UGT1A7: variants seen among roughly 807,000 people sequenced by gnomAD.
UGT1A7 encodes the protein UDP-glucuronosyltransferase 1A7.
UGT1A7 carries 33 observed loss-of-function variants against 45.6 expected under a neutral mutation model. The ratio of observed to expected loss-of-function variants is 0.72; its 90% confidence interval spans 0.55 to 0.97. The LOEUF is 0.97. Among genes scored for constraint, UGT1A7 ranks in the 50% least tolerant of loss-of-function variants. The pLI, the probability that UGT1A7 is intolerant of heterozygous loss-of-function variation, is 0.00. For missense variants in UGT1A7, 684 were observed against 666.2 expected, an observed-to-expected ratio of 1.03 and a Z score of -0.29; for synonymous variants, 274 against 250.6, an observed-to-expected ratio of 1.09 and a Z score of -0.88.
Position 233,687,583 on chromosome 2 carries a change from TAAAAAA to T in UGT1A7, c.855+4810_855+4815del, listed in dbSNP as rs71398794. 5.3e-3 allele frequency among the ~76,000 whole-genome samples: 569 copies of T among 107,448 alleles called. 7 individuals are homozygous for T. The highest frequency in any genetic ancestry group is 0.018 in the African/African-American group (528 of 29,724). The allele number at this position is 107,448 out of a possible 152,430, so 70.5% of individuals were successfully genotyped here. A position where few individuals can be genotyped will look rare whatever the true frequency, so the allele number is the denominator to read the frequency against. The stretch of plus-strand genomic sequence containing the variant: ...AGAATTCAAGACCATACATTCTTTG[TAAAAAA>T]AAAAAAAAAAAAAAAAAAGGAAAGA... On this transcript the variant is annotated intron_variant, in intron 1 of 4. Transcript: ENST00000373426.
intron 4 of UGT1A7, 29 bp downstream of exon 4, chr2:233,768,468 T>C: frequency 6.2e-7 from 1 of 1,604,616 alleles, no homozygotes; most frequent in Non-Finnish European, 8.5e-7. Context: ...AAGAATACTT[T>C]GGTCATGGCA....
chr2:233,705,451 A>AT (rs1396968859), intron 1 of UGT1A7, among the ~76,000 whole-genome samples: 2 of 152,158 alleles, frequency 1.3e-5, no homozygotes, highest in Non-Finnish European at 2.9e-5. Flanking sequence ...AATTGCACAT[A>AT]TTTTTTAGCA....
intron 1 of UGT1A7, chr2:233,755,263 C>T: frequency 1.2e-6 from 1 of 800,084 alleles, no homozygotes; most frequent in South Asian, 1.5e-5. Context: ...TCGTAGTAGT[C>T]CACTATGCTG....
intron 1 of UGT1A7, chr2:233,760,621 A>G: frequency 1.9e-6 from 3 of 1,614,194 alleles, no homozygotes; most frequent in Non-Finnish European, 2.5e-6. Context: ...TGTGATCAAA[A>G]CATACAAGAA....
intron 1 of UGT1A7, chr2:233,747,090 C>A: frequency 8.0e-7 from 1 of 1,247,360 alleles, no homozygotes; most frequent in East Asian, 2.6e-5. Context: ...GAGGAGAGCA[C>A]TCTATCTTCC....
chr2:233,689,577 A>C (rs1345310099), intron 1 of UGT1A7, among the ~76,000 whole-genome samples: 5 of 152,206 alleles, frequency 3.3e-5, no homozygotes, highest in African/African-American at 4.8e-5. Flanking sequence ...TCTGATTTGC[A>C]ATTAGCTAAG....
intron 1 of UGT1A7, among the ~76,000 whole-genome samples, chr2:233,735,286 T>C (rs1434598699): frequency 2.0e-5 from 3 of 152,196 alleles, no homozygotes; most frequent in African/African-American, 7.2e-5. Flanking sequence ...CTTTGTCTCT[T>C]TTGATTTTTG....
At chr2:233,749,926 G>T (rs946076967) in intron 1 of UGT1A7, among the ~76,000 whole-genome samples, 1 of 151,912 alleles carries the variant, frequency 6.6e-6, no homozygotes, top group African/African-American at 2.4e-5. Flanking sequence ...GTCAATTAAA[G>T]CTCTTTCCTT....
At chr2:233,719,518 G>A (rs751977605) in intron 1 of UGT1A7, 2 of 1,613,954 alleles carry the variant, frequency 1.2e-6, no homozygotes, top group Non-Finnish European at 1.7e-6. Context: ...CCTTATGCAA[G>A]TCTTGCCTCT....
chr2:233,762,117 T>C (rs1697974110), intron 1 of UGT1A7, among the ~76,000 whole-genome samples: 1 of 152,230 alleles, frequency 6.6e-6, no homozygotes, highest in Non-Finnish European at 1.5e-5. Context: ...CTTCACATCA[T>C]GAGCCATGTG....
intron 1 of UGT1A7, among the ~76,000 whole-genome samples, chr2:233,704,865 G>A (rs1559353714): frequency 1.3e-5 from 2 of 152,168 alleles, no homozygotes; most frequent in South Asian, 4.1e-4. Flanking sequence ...CGGGCACGGT[G>A]GCTCACTCCT....
chr2:233,709,579 A>C (rs936977036), intron 1 of UGT1A7, among the ~76,000 whole-genome samples: 1 of 152,242 alleles, frequency 6.6e-6, no homozygotes, highest in African/African-American at 2.4e-5. Flanking sequence ...AATTCAAAAA[A>C]TATACCAGGA....
intron 1 of UGT1A7, among the ~76,000 whole-genome samples, chr2:233,714,632 T>C (rs994949094): frequency 2.6e-5 from 4 of 152,224 alleles, no homozygotes; most frequent in African/African-American, 7.2e-5. Context: ...ACCACTAAAA[T>C]TAATGTGAAT....
intron 1 of UGT1A7, chr2:233,743,539 T>C (rs34135810): frequency 0.015 from 20,568 of 1,367,214 alleles, 228 homozygotes; most frequent in South Asian, 0.027. Context: ...GCAGTTCCTC[T>C]GACCCCCCCA....
rs1385848693 is a variant in UGT1A7 at position 233,725,062 on chromosome 2, C to G, written c.856-41972C>G. On this transcript the variant is annotated intron_variant, in intron 1 of 4. Transcript: ENST00000373426. ...ACCAGTCAGGCGTGGCGGCGCGCGC[C>G]TGCAATCGCAGGCACTCGGCAGGCT... 1.4e-5 allele frequency among the ~76,000 whole-genome samples: 2 copies of G among 147,098 alleles called. 1 individual carries two copies. Among genetic ancestry groups the G allele is most frequent in the East Asian group, 4.2e-4 (2 of 4,760 alleles).
At chr2:233,718,401 C>G (rs1023321432) in intron 1 of UGT1A7, among the ~76,000 whole-genome samples, 1 of 152,202 alleles carries the variant, frequency 6.6e-6, no homozygotes, top group Non-Finnish European at 1.5e-5. Flanking sequence ...TAGCAAATAG[C>G]GTCACATTCA....
chr2:233,757,558 A>ATATATATATATATATATATATATC (rs1553619909), intron 1 of UGT1A7, among the ~76,000 whole-genome samples: 1 of 124,446 alleles, frequency 8.0e-6, no homozygotes, highest in African/African-American at 3.3e-5. Context: ...ATATATATAT[A>ATATATATATATATATATATATATC]TATGTATATA....
chr2:233,757,535 A>AATATATATACATATACATATATATAT lies in UGT1A7; in HGVS notation c.856-9490_856-9489insCATATACATATATATATATATATATA, dbSNP rs376887521. On this transcript the variant is annotated intron_variant, in intron 1 of 4. Transcript: ENST00000373426. ...CAAAGCCAAAATCTTGCCTGTAAGG[A>AATATATATACATATACATATATATAT]ATATATATATATATATATATATATA... 7.4e-3 allele frequency among the ~76,000 whole-genome samples: 638 copies of AATATATATACATATACATATATATAT among 85,730 alleles called. 7 individuals carry two copies. Among genetic ancestry groups the AATATATATACATATACATATATATAT allele is most frequent in the African/African-American group, 0.011 (216 of 19,360 alleles). 56.2% of individuals were successfully genotyped at this position (85,730 alleles called of 152,430 possible).
chr2:233,724,212 T>C (rs2077189500), intron 1 of UGT1A7, among the ~76,000 whole-genome samples: 1 of 120,802 alleles, frequency 8.3e-6, no homozygotes. Context: ...GCTGAGGGGC[T>C]CCTCACTTCC....
Sources: gnomAD v4.1 joint callset for allele counts (sites outside exome capture counted in the v4.1 genomes callset) on GRCh38, gnomAD v4.1.1 for gene constraint, MANE v1.5 for transcripts, NCBI Gene and HGNC (gene_info 2026-07-23, HGNC 2026-07-21) for gene names.